Variants in CCDC178 observed in about 807,000 individuals in gnomAD.
CCDC178 encodes the protein coiled-coil domain-containing protein 178.
In CCDC178, 126 loss-of-function variants were observed where a neutral mutation model predicts 117.4. The ratio of observed to expected loss-of-function variants is 1.07; its 90% CI spans 0.93 to 1.24. The LOEUF is 1.24. Among genes scored for constraint, CCDC178 ranks in the 50% most tolerant of loss-of-function variants. The probability of loss-of-function intolerance (pLI) is 0.00; values close to 1 mark genes in which losing one functional copy is unlikely to be tolerated. For synonymous variants in CCDC178, 283 were observed against 313.4 expected (o/e 0.90, Z 1.02); for missense variants, 1,030 against 986.9 (o/e 1.04, Z -0.59).
At chr18:33,209,001 G>A (rs541488618) in intron 20 of CCDC178, among the ~76,000 whole-genome samples, 1 of 152,040 alleles carries the variant, frequency 6.6e-6, no homozygotes, top group South Asian at 2.1e-4. Flanking sequence ...GAAAGGAAAT[G>A]ACATAGGCGA....
intron 20 of CCDC178, among the ~76,000 whole-genome samples, chr18:33,150,802 C>T (rs953667485): frequency 6.6e-6 from 1 of 152,124 alleles, no homozygotes; most frequent in African/African-American, 2.4e-5. Context: ...AAAAAGAAGA[C>T]ATATGAAAAA....
chr18:33,142,339 G>GC (rs1285498603), intron 20 of CCDC178, among the ~76,000 whole-genome samples: 1 of 152,198 alleles, frequency 6.6e-6, no homozygotes, highest in Non-Finnish European at 1.5e-5. Context: ...AACATGGAAA[G>GC]CCCCTCCATG....
intron 2 of CCDC178, among the ~76,000 whole-genome samples, chr18:33,416,287 C>T (rs773543296): frequency 1.6e-4 from 25 of 152,132 alleles, no homozygotes; most frequent in African/African-American, 5.8e-4. Context: ...ATTAGCCGGG[C>T]GTGGTGGCGG....
At chr18:33,430,720 T>C (rs1599312625) in intron 2 of CCDC178, among the ~76,000 whole-genome samples, 4 of 152,176 alleles carry the variant, frequency 2.6e-5, no homozygotes, top group Non-Finnish European at 5.9e-5. Context: ...TGTTGGACTT[T>C]TGCAAAACAT....
chr18:33,310,525 A>C (rs1049311653), intron 11 of CCDC178, among the ~76,000 whole-genome samples: 5 of 151,950 alleles, frequency 3.3e-5, no homozygotes, highest in African/African-American at 9.7e-5. Flanking sequence ...CCATCGCTAC[A>C]AGAAACAAAA....
intron 20 of CCDC178, among the ~76,000 whole-genome samples, chr18:33,147,994 G>GAC (rs2058291748): frequency 7.4e-6 from 1 of 135,538 alleles, no homozygotes; most frequent in Non-Finnish European, 1.7e-5. Context: ...GGCAGGGGCT[G>GAC]CCCCCCACCT....
chr18:33,295,829 A>G lies in CCDC178; in HGVS notation c.1023-2517T>C, dbSNP rs181288472. ...ACTGGATCTCTCATACATTGCTGGCATTCATATAAAATGGTACAAGCCGTT... is the reference window on the plus strand; with the variant it reads ...ACTGGATCTCTCATACATTGCTGGCGTTCATATAAAATGGTACAAGCCGTT... On this transcript the variant is annotated intron_variant, in intron 11 of 22. Transcript: ENST00000383096. Among the ~76,000 whole-genome samples the G allele has an allele frequency of 5.9e-5, 9 of 152,264 alleles. No individual in the cohort carries two copies. In the East Asian group the frequency reaches 1.7e-3, roughly 29 times the overall value.
chr18:33,115,573 C>A (rs534002767), intron 20 of CCDC178, among the ~76,000 whole-genome samples: 1 of 151,948 alleles, frequency 6.6e-6, no homozygotes, highest in African/African-American at 2.4e-5. Flanking sequence ...TAGTAATCAC[C>A]GAACAAAGAT....
intron 12 of CCDC178, among the ~76,000 whole-genome samples, chr18:33,283,336 C>T (rs1159106114): frequency 6.6e-6 from 1 of 152,024 alleles, no homozygotes; most frequent in East Asian, 1.9e-4. Flanking sequence ...AAAAAAAATC[C>T]GAAGGTAACC....
chr18:33,416,502 C>A (rs2063943643), intron 2 of CCDC178, among the ~76,000 whole-genome samples: 1 of 151,858 alleles, frequency 6.6e-6, no homozygotes, highest in Non-Finnish European at 1.5e-5. Flanking sequence ...CCTGGATAGG[C>A]TATAATGAGG....
intron 22 of CCDC178, among the ~76,000 whole-genome samples, chr18:32,964,632 A>C (rs976637392): frequency 2.0e-5 from 3 of 151,948 alleles, no homozygotes; most frequent in Admixed American, 2.0e-4. Context: ...ATCTCATCTA[A>C]TTCTCACAGT....
intron 20 of CCDC178, among the ~76,000 whole-genome samples, chr18:33,184,774 C>G (rs1480793939): frequency 2.6e-5 from 4 of 151,884 alleles, no homozygotes; most frequent in African/African-American, 4.8e-5. Context: ...ATATAGTTTA[C>G]TAAAAAATGA....
intron 12 of CCDC178, among the ~76,000 whole-genome samples, chr18:33,290,159 C>A (rs2144863509): frequency 6.6e-6 from 1 of 152,228 alleles, no homozygotes; most frequent in South Asian, 2.1e-4. Context: ...GCACAGATGG[C>A]TAAATCAATC....
intron 18 of CCDC178, 152 bp downstream of exon 18, chr18:33,222,954 G>A: frequency 1.8e-6 from 1 of 561,162 alleles, no homozygotes; most frequent in Non-Finnish European, 3.1e-6. Context: ...AGGACTGTGT[G>A]TGTGTGAGTG....
At chr18:33,397,933 G>A (rs2063661156) in intron 3 of CCDC178, among the ~76,000 whole-genome samples, 1 of 151,916 alleles carries the variant, frequency 6.6e-6, no homozygotes, top group Admixed American at 6.6e-5. Flanking sequence ...CATAAAAAAA[G>A]TTTAAACAAA....
chr18:33,140,929 T>G (rs1457552560), intron 20 of CCDC178, among the ~76,000 whole-genome samples: 2 of 151,974 alleles, frequency 1.3e-5, no homozygotes, highest in Non-Finnish European at 2.9e-5. Context: ...GGTGATTGAG[T>G]TATGGGGGTG....
At chr18:33,231,355 G>A (rs2144650620) in intron 15 of CCDC178, among the ~76,000 whole-genome samples, 1 of 152,120 alleles carries the variant, frequency 6.6e-6, no homozygotes, top group South Asian at 2.1e-4. Context: ...TTAAAAAAAA[G>A]GTAGAGATTT....
At chr18:33,403,774 A>G (rs2063742926) in intron 3 of CCDC178, among the ~76,000 whole-genome samples, 1 of 152,132 alleles carries the variant, frequency 6.6e-6, no homozygotes, top group Non-Finnish European at 1.5e-5. Flanking sequence ...GTAAGATCTA[A>G]TTGATTAACT....
intron 20 of CCDC178, among the ~76,000 whole-genome samples, chr18:33,136,951 T>C (rs1258782584): frequency 1.3e-5 from 2 of 152,176 alleles, no homozygotes; most frequent in Non-Finnish European, 2.9e-5. Context: ...GAGGCCATAG[T>C]GGTGAGCAAG....
Sources: allele counts gnomAD v4.1 joint callset (sites outside exome capture counted in the v4.1 genomes callset), GRCh38; gene constraint gnomAD v4.1.1; transcripts MANE v1.5; gene names NCBI Gene and HGNC (gene_info 2026-07-23, HGNC 2026-07-21).